The following CDH4 variants were observed in gnomAD, a reference collection of about 807,000 sequenced individuals.
The protein encoded by CDH4 is cadherin-4.
In CDH4, 33 loss-of-function variants were observed where a neutral mutation model predicts 86.0. The ratio of observed to expected loss-of-function variants is 0.38; its 90% CI spans 0.29 to 0.51. The LOEUF is 0.51. Ranked by LOEUF, CDH4 falls within the 20% of genes least tolerant of loss-of-function variation. The pLI, the probability that CDH4 is intolerant of heterozygous loss-of-function variation, is 0.86. For missense variants in CDH4, 1,114 were observed against 1,307.4 expected (o/e 0.85, Z 2.28); for synonymous variants, 555 against 549.4 (o/e 1.01, Z -0.14).
chr20:61,427,204 C>T (rs1654915034), intron 2 of CDH4, among the ~76,000 whole-genome samples: 1 of 152,198 alleles, frequency 6.6e-6, no homozygotes, highest in Non-Finnish European at 1.5e-5. Flanking sequence ...ACATTCCCAG[C>T]GTTGCAGAGA....
intron 4 of CDH4, among the ~76,000 whole-genome samples, chr20:61,840,082 C>G (rs907857489): frequency 1.3e-5 from 2 of 152,142 alleles, no homozygotes; most frequent in South Asian, 2.1e-4. Flanking sequence ...TGCTCTACCC[C>G]GCAATGCTTA....
In CDH4 at chr20:61,676,764, T is replaced by G. The variant is rs2087448812; in HGVS notation, c.170-66799T>G. On this transcript the variant is annotated intron_variant, in intron 2 of 15. Coordinates refer to ENST00000614565, the MANE Select transcript of CDH4 (RefSeq NM_001794.5). This position sits in a 1 kb window ranked among gnomAD's most constrained non-coding sequence, Gnocchi z 4.5. ...TGATGCTGCATTTCAGAAGGTGGTGTTTGCTGCGAGAAAGGGAAAGTGGGA... is the reference window on the plus strand; with the variant it reads ...TGATGCTGCATTTCAGAAGGTGGTGGTTGCTGCGAGAAAGGGAAAGTGGGA... Among the ~76,000 whole-genome samples, 1 of 152,192 alleles carries G rather than the reference T, an allele frequency of 6.6e-6. No homozygotes were observed. The highest frequency in any genetic ancestry group is 2.4e-5 in the African/African-American group (1 of 41,456).
chr20:61,324,471 G>A (rs2084526443), intron 2 of CDH4, among the ~76,000 whole-genome samples: 3 of 152,288 alleles, frequency 2.0e-5, no homozygotes, highest in Non-Finnish European at 4.4e-5. Context: ...AGCTCCTGGT[G>A]GCTGCTGGCA....
At chr20:61,354,040 A>G (rs368507939) in intron 2 of CDH4, among the ~76,000 whole-genome samples, 8 of 151,992 alleles carry the variant, frequency 5.3e-5, no homozygotes, top group Admixed American at 4.6e-4. Flanking sequence ...TGAAGATTCT[A>G]TGGCAGTGGT....
At chr20:61,808,346 A>G (rs1980248267) in intron 4 of CDH4, among the ~76,000 whole-genome samples, 1 of 151,656 alleles carries the variant, frequency 6.6e-6, no homozygotes, top group Non-Finnish European at 1.5e-5. Flanking sequence ...CTGCAAAAAT[A>G]AATAAATAAA....
intron 2 of CDH4, among the ~76,000 whole-genome samples, chr20:61,457,964 T>G (rs2085418395): frequency 6.7e-6 from 1 of 148,992 alleles, no homozygotes; most frequent in Admixed American, 6.6e-5. Flanking sequence ...GATGGTATAG[T>G]CATGGTCATG....
intron 7 of CDH4, among the ~76,000 whole-genome samples, chr20:61,883,653 C>T (rs572127931): frequency 1.5e-4 from 23 of 152,318 alleles, no homozygotes; most frequent in African/African-American, 4.6e-4. Context: ...CCTCCACAGT[C>T]GGGTGTGACT....
intron 2 of CDH4, among the ~76,000 whole-genome samples, chr20:61,432,708 T>C (rs13037085): frequency 0.24 from 37,040 of 152,012 alleles, 5,303 homozygotes; most frequent in East Asian, 0.53. Flanking sequence ...ATATCAAGTT[T>C]TTCCTTTTGT....
At chr20:61,714,782 T>TG (rs2087934793) in intron 2 of CDH4, among the ~76,000 whole-genome samples, 1 of 152,222 alleles carries the variant, frequency 6.6e-6, no homozygotes, top group Admixed American at 6.5e-5. Context: ...CACATATATA[T>TG]GCTACATTTT....
At chr20:61,539,272 C>T (rs1009466937) in intron 2 of CDH4, among the ~76,000 whole-genome samples, 3 of 152,156 alleles carry the variant, frequency 2.0e-5, no homozygotes, top group African/African-American at 4.8e-5. Context: ...TTGCATGGGC[C>T]GTGTCCACAG....
intron 2 of CDH4, among the ~76,000 whole-genome samples, chr20:61,409,886 T>G (rs2085107157): frequency 6.6e-6 from 1 of 152,244 alleles, no homozygotes; most frequent in African/African-American, 2.4e-5. Flanking sequence ...CAGCCCAGGC[T>G]TTGTGTTAAG....
At chr20:61,282,350 C>T (rs1292860620) in intron 2 of CDH4, among the ~76,000 whole-genome samples, 1 of 152,172 alleles carries the variant, frequency 6.6e-6, no homozygotes, top group East Asian at 1.9e-4. Context: ...CAGCGTCAGA[C>T]TCAGTCTCAA....
intron 4 of CDH4, 142 bp downstream of exon 4, chr20:61,773,324 C>G (rs1311097031): frequency 7.5e-6 from 6 of 799,038 alleles, no homozygotes; most frequent in Non-Finnish European, 1.1e-5. Flanking sequence ...TGAGATAAGC[C>G]TTACACAGCG....
intron 2 of CDH4, among the ~76,000 whole-genome samples, chr20:61,482,544 C>G (rs1311250939): frequency 6.6e-6 from 1 of 152,154 alleles, no homozygotes; most frequent in Non-Finnish European, 1.5e-5. Flanking sequence ...AGCCTGAGAC[C>G]TAGTTCTGTT....
chr20:61,739,149 G>A (rs568982229), intron 2 of CDH4: 10 of 152,460 alleles, frequency 6.6e-5, no homozygotes, highest in Admixed American at 5.2e-4. Flanking sequence ...CTTCCAGCCG[G>A]GGTGGTGCCA....
intron 4 of CDH4, among the ~76,000 whole-genome samples, chr20:61,788,062 A>G (rs549866964): frequency 2.0e-4 from 30 of 152,352 alleles, no homozygotes; most frequent in African/African-American, 7.0e-4. Context: ...GTGAGGGACC[A>G]GGCAGAGCAG....
chr20:61,693,893 T>C (rs960635511), intron 2 of CDH4, among the ~76,000 whole-genome samples: 7 of 140,454 alleles, frequency 5.0e-5, no homozygotes, highest in South Asian at 2.5e-4. Context: ...TCTTTTTTTT[T>C]TTTTTTTTTT....
chr20:61,683,944 C>T (rs758764744), intron 2 of CDH4, among the ~76,000 whole-genome samples: 9 of 152,306 alleles, frequency 5.9e-5, no homozygotes, highest in East Asian at 1.9e-4. Context: ...CTCTTCCTGG[C>T]GGTGGGTGAG....
At chr20:61,837,983 G>A (rs73917535) in intron 4 of CDH4, among the ~76,000 whole-genome samples, 5,221 of 151,436 alleles carry the variant, frequency 0.034, 139 homozygotes, top group African/African-American at 0.075. Flanking sequence ...CTCTCTGATC[G>A]CTCCCCAAGC....
Sources: gnomAD v4.1 joint callset for allele counts (sites outside exome capture counted in the v4.1 genomes callset) on GRCh38, gnomAD v4.1.1 for gene constraint, Gnocchi (gnomAD v3.1) non-coding constraint, MANE v1.5 for transcripts, NCBI Gene and HGNC (gene_info 2026-07-23, HGNC 2026-07-21) for gene names.